The following TTC7B variants were observed in gnomAD, a reference collection of about 807,000 sequenced individuals.
TTC7B encodes tetratricopeptide repeat domain 7B, also known as tetratricopeptide repeat protein 7B.
In TTC7B, 28 loss-of-function variants were observed where a neutral mutation model predicts 106.8. The ratio of observed to expected loss-of-function variants is 0.26; its 90% CI spans 0.19 to 0.36. The LOEUF is 0.36. Ranked by LOEUF, TTC7B falls within the 10% of genes least tolerant of loss-of-function variation. The pLI, the probability that TTC7B is intolerant of heterozygous loss-of-function variation, is 1.00. For synonymous variants in TTC7B, 405 were observed against 430.6 expected (o/e 0.94, Z 0.74); for missense variants, 862 against 1,076.4 (o/e 0.80, Z 2.79).
chr14:90,587,514 G>A (rs1786422554), intron 18 of TTC7B, among the ~76,000 whole-genome samples: 1 of 152,188 alleles, frequency 6.6e-6, no homozygotes, highest in Non-Finnish European at 1.5e-5. Flanking sequence ...CTGACCTGGT[G>A]CTAGTCACTG....
chr14:90,598,872 G>A (rs1014940876), intron 17 of TTC7B, among the ~76,000 whole-genome samples: 9 of 152,246 alleles, frequency 5.9e-5, no homozygotes, highest in Admixed American at 4.6e-4. Flanking sequence ...CACAGGCTGG[G>A]CGTGGTGGCT....
intron 15 of TTC7B, among the ~76,000 whole-genome samples, chr14:90,635,906 G>A (rs897551301): frequency 6.6e-6 from 1 of 152,016 alleles, no homozygotes; most frequent in Non-Finnish European, 1.5e-5. Context: ...GATCTCTTGA[G>A]GTCAGGAGTT....
In TTC7B at chr14:90,695,587, A is replaced by G; in HGVS notation, c.699-9T>C. ...CTCCTCTTGTCAAGTTCCTGTGTGG[A>G]CACAGAATTTGACGGTTTTCATCTG... On this transcript the variant is annotated splice_polypyrimidine_tract_variant and intron_variant, in intron 5 of 19. Coordinates refer to ENST00000328459, the MANE Select transcript of TTC7B (RefSeq NM_001010854.2). 2 of 1,584,580 alleles carry G rather than the reference A, an allele frequency of 1.3e-6. No individual in the cohort carries two copies. The highest frequency in any genetic ancestry group is 1.7e-6 in the Non-Finnish European group (2 of 1,165,814).
intron 3 of TTC7B, among the ~76,000 whole-genome samples, chr14:90,778,336 C>T (rs1191052533): frequency 6.6e-6 from 1 of 152,174 alleles, no homozygotes; most frequent in African/African-American, 2.4e-5. Context: ...CCCAAGTTGC[C>T]TGTCCTCCTT....
intron 3 of TTC7B, among the ~76,000 whole-genome samples, chr14:90,767,650 C>T (rs560295818): frequency 6.6e-6 from 1 of 152,164 alleles, no homozygotes; most frequent in African/African-American, 2.4e-5. Flanking sequence ...GAAATAAATT[C>T]TTTTCTTTAT....
intron 15 of TTC7B, among the ~76,000 whole-genome samples, chr14:90,633,097 G>A (rs763258999): frequency 2.6e-5 from 4 of 152,230 alleles, no homozygotes; most frequent in Admixed American, 2.0e-4. Context: ...CCAATCAGGT[G>A]ACTGAGGGTG....
rs950664470 is a variant in TTC7B, at chr14:90,570,976, G to A, written c.2310+7130C>T. Among the ~76,000 whole-genome samples the A allele has an allele frequency of 3.3e-5, 5 of 152,174 alleles. No homozygotes were observed. Among genetic ancestry groups the A allele is most frequent in the Admixed American group, 1.3e-4 (2 of 15,280 alleles). ...GCACCGTGCTCCCGATCTTTCCACC[G>A]CCTGTCACTGAAGCTCTGGGTTCCT... On this transcript the variant is annotated intron_variant, in intron 19 of 19. Coordinates refer to ENST00000328459, the MANE Select transcript of TTC7B (RefSeq NM_001010854.2). This position sits in a 1 kb window ranked among gnomAD's most constrained non-coding sequence, Gnocchi z 4.0.
Position 90,738,131 on chromosome 14 carries a change from G to A in TTC7B, c.576+6661C>T, listed in dbSNP as rs527788668. Reference sequence around the variant, plus strand: ...AGAAAAGAAAATAGAAATATAACTAGTATATACTACTAGTAATAACTAGTA... The same window carrying A: ...AGAAAAGAAAATAGAAATATAACTAATATATACTACTAGTAATAACTAGTA... On this transcript the variant is annotated intron_variant, in intron 4 of 19. Coordinates refer to ENST00000328459, the MANE Select transcript of TTC7B (RefSeq NM_001010854.2). Among the ~76,000 whole-genome samples the A allele has an allele frequency of 6.6e-5, 10 of 152,264 alleles. No individual in the cohort carries two copies. The South Asian group carries it at 2.1e-3, about 32-fold the overall frequency.
At chr14:90,727,861 A>G (rs1423271437) in intron 5 of TTC7B, among the ~76,000 whole-genome samples, 1 of 152,232 alleles carries the variant, frequency 6.6e-6, no homozygotes, top group East Asian at 1.9e-4. Context: ...GGAGTGAGAC[A>G]ACTGGGAGCA....
At chr14:90,748,842 T>C (rs1157434955) in intron 3 of TTC7B, among the ~76,000 whole-genome samples, 4 of 152,232 alleles carry the variant, frequency 2.6e-5, no homozygotes, top group African/African-American at 9.6e-5. Flanking sequence ...CACCAAATTA[T>C]AATTTCCAGC....
chr14:90,542,926 A>G (rs1422916620), intron 19 of TTC7B, among the ~76,000 whole-genome samples: 1 of 152,222 alleles, frequency 6.6e-6, no homozygotes, highest in African/African-American at 2.4e-5. Context: ...TGCAAATTTT[A>G]TCCCCAAAGG....
At chr14:90,639,348 T>C (rs868835031) in intron 15 of TTC7B, among the ~76,000 whole-genome samples, 11 of 152,106 alleles carry the variant, frequency 7.2e-5, no homozygotes, top group African/African-American at 2.7e-4. Flanking sequence ...AGAAATATTA[T>C]TAAGGAAAAG....
intron 3 of TTC7B, among the ~76,000 whole-genome samples, chr14:90,773,637 T>C (rs1890933861): frequency 6.6e-6 from 1 of 152,322 alleles, no homozygotes; most frequent in African/African-American, 2.4e-5. Context: ...TCCATGCAGC[T>C]GAGCTCTCTG....
chr14:90,668,043 A>G (rs1315821361), intron 9 of TTC7B, among the ~76,000 whole-genome samples: 1 of 151,600 alleles, frequency 6.6e-6, no homozygotes, highest in Admixed American at 6.6e-5. Context: ...CTTCTTCTTC[A>G]TGTTTCCCCT....
chr14:90,771,233 A>C (rs1890852944), intron 3 of TTC7B, among the ~76,000 whole-genome samples: 1 of 152,188 alleles, frequency 6.6e-6, no homozygotes, highest in Non-Finnish European at 1.5e-5. Flanking sequence ...AACTGGGGAG[A>C]AAAGCTATAG....
chr14:90,618,111 A>G (rs758414932), intron 15 of TTC7B, 66 bp from the exon 16 acceptor site: 9 of 1,209,454 alleles, frequency 7.4e-6, no homozygotes, highest in Non-Finnish European at 9.8e-6. Flanking sequence ...TCCCAGCAAG[A>G]CAAGTGGTGG....
chr14:90,622,418 C>T lies in TTC7B; in HGVS notation c.1752-4373G>A, dbSNP rs368260775. Among the ~76,000 whole-genome samples the T allele has an allele frequency of 5.3e-5, 8 of 151,600 alleles. No homozygotes were observed. In the East Asian group the frequency reaches 7.9e-4, roughly 15 times the overall value. ...ACAGGCATGAGCCACCGTGCCCAGC[C>T]ATGAATCTAATTTAAAAAATTTATA... is the stretch of plus-strand genomic sequence containing the variant. On this transcript the variant is annotated intron_variant, in intron 15 of 19. Coordinates refer to ENST00000328459, the MANE Select transcript of TTC7B (RefSeq NM_001010854.2).
chr14:90,627,968 C>T (rs1362518740), intron 15 of TTC7B, among the ~76,000 whole-genome samples: 1 of 152,164 alleles, frequency 6.6e-6, no homozygotes, highest in Non-Finnish European at 1.5e-5. Flanking sequence ...CTCTCCAGTT[C>T]CTGTGAGTGA....
rs535625043 is a variant in TTC7B at position 90,577,310 on chromosome 14, T to C, written c.2310+796A>G. 1.5e-3 allele frequency among the ~76,000 whole-genome samples: 228 copies of C among 152,286 alleles called. No homozygotes were observed. Among genetic ancestry groups the C allele is most frequent in the African/African-American group, 5.2e-3 (216 of 41,558 alleles). On this transcript the variant is annotated intron_variant, in intron 19 of 19. Transcript: ENST00000328459. The surrounding 1 kb of genome is among the most constrained non-coding windows in gnomAD (Gnocchi z 5.0). ...TTCAATTCAGACCCTCGCAGGAAGA[T>C]GACAGAGGACTGCCGAGGCAGCTGC...
Sources: gnomAD v4.1 joint callset for allele counts (sites outside exome capture counted in the v4.1 genomes callset) on GRCh38, gnomAD v4.1.1 for gene constraint, Gnocchi (gnomAD v3.1) non-coding constraint, MANE v1.5 for transcripts, NCBI Gene and HGNC (gene_info 2026-07-23, HGNC 2026-07-21) for gene names.